Variants in GYS1 observed in about 807,000 individuals in gnomAD.
GYS1 encodes glycogen [starch] synthase, muscle.
In GYS1, 60 loss-of-function variants were observed where a neutral mutation model predicts 89.1. That is an observed-to-expected ratio of 0.67 (90% CI 0.55 to 0.84). The LOEUF (loss-of-function observed/expected upper bound fraction) is 0.84. Among genes scored for constraint, GYS1 ranks in the 40% least tolerant of loss-of-function variants. GYS1 has a pLI of 0.00. For synonymous variants in GYS1, 366 were observed against 401.7 expected (o/e 0.91, Z 1.06); for missense variants, 888 against 1,003.1 (o/e 0.89, Z 1.55).
At chr19:48,987,958 G>T (rs377077403) in intron 2 of GYS1, among the ~76,000 whole-genome samples, 26 of 152,056 alleles carry the variant, frequency 1.7e-4, no homozygotes, top group African/African-American at 5.8e-4. Flanking sequence ...CCGCCACCAC[G>T]CCCGGCTACT....
chr19:48,985,494 T>C lies in GYS1; in HGVS notation c.790A>G (p.Ile264Val). The change falls in exon 5 of 16, where the codon ATC becomes GTC. Residue 264 changes from isoleucine to valine, a missense_variant. Coordinates refer to ENST00000323798, the MANE Select transcript of GYS1 (RefSeq NM_002103.5). ...VFTTVSQITAIEAQHLLKRKP... is the reference protein window; with the variant it reads ...VFTTVSQITAVEAQHLLKRKP... The stretch of plus-strand genomic sequence containing the variant: ...CTCTTGAGCAAGTGCTGTGCCTCGA[T>C]GGCGGTGATCTGGGACACAGTAGTG... 1.9e-6 allele frequency: 3 copies of C among 1,614,102 alleles called. No homozygotes were observed. Among genetic ancestry groups the C allele is most frequent in the South Asian group, 2.2e-5 (2 of 91,088 alleles).
intron 8 of GYS1, among the ~76,000 whole-genome samples, chr19:48,980,203 C>T (rs750262595): frequency 5.3e-5 from 8 of 152,194 alleles, no homozygotes; most frequent in Non-Finnish European, 1.0e-4. Flanking sequence ...TCCTCAGATA[C>T]CCACAGGGCT....
intron 2 of GYS1, among the ~76,000 whole-genome samples, chr19:48,989,944 C>T (rs2038896699): frequency 1.4e-5 from 2 of 145,198 alleles, no homozygotes; most frequent in African/African-American, 5.1e-5. Flanking sequence ...TTTTTGCTGC[C>T]TGGAGCCTCG....
intron 8 of GYS1, among the ~76,000 whole-genome samples, chr19:48,980,791 C>A (rs2038748211): frequency 6.6e-6 from 1 of 152,026 alleles, no homozygotes; most frequent in Non-Finnish European, 1.5e-5. Flanking sequence ...ATCAGCCTGG[C>A]CAACATGGTG....
At chr19:48,988,858 A>G (rs1031766976) in intron 2 of GYS1, among the ~76,000 whole-genome samples, 1 of 151,824 alleles carries the variant, frequency 6.6e-6, no homozygotes, top group Non-Finnish European at 1.5e-5. Context: ...TCAGCCTACC[A>G]AAGTGCTGGG....
chr19:48,989,998 T>TGGGGGGG (rs998261396), intron 2 of GYS1, among the ~76,000 whole-genome samples: 1 of 49,644 alleles, frequency 2.0e-5, no homozygotes, highest in African/African-American at 9.9e-5. Flanking sequence ...GCCCTTTTGC[T>TGGGGGGG]GGGGGGGGGG....
intron 8 of GYS1, chr19:48,981,305 C>G (rs564471343): frequency 5.8e-6 from 3 of 519,890 alleles, no homozygotes; most frequent in East Asian, 7.2e-5. Flanking sequence ...CCCAGCTACT[C>G]GAGAGGCTGA....
intron 11 of GYS1, 86 bp from the exon 12 acceptor site, chr19:48,974,425 C>T (rs1166397185): frequency 4.8e-6 from 7 of 1,458,138 alleles, no homozygotes; most frequent in African/African-American, 1.4e-5. Context: ...GGGTAAAAAG[C>T]TTGTCTAGCA....
rs2038515708 is a variant in GYS1, at chr19:48,969,400, G to C, written c.2102C>G (p.Ser701Cys). The change falls in exon 16 of 16, where the codon TCC becomes TGC. Residue 701 changes from serine (S) to cysteine (C), a missense_variant. By Grantham distance (112) the Ser-to-Cys change is moderately radical (BLOSUM62 -1). Transcript: ENST00000323798. ...GTTGCGCTTGCTGCCGCTGGTGGAG[G>C]AGGTGCAGGACGCTCGGCGCGGCCA... ...PEWPRRASCTSSTSGSKRNSV... is the reference protein window; with the variant it reads ...PEWPRRASCTCSTSGSKRNSV... The C allele has an allele frequency of 6.4e-7, 1 of 1,561,324 alleles. No individual in the cohort carries two copies. The highest frequency in any genetic ancestry group is 1.4e-5 in the African/African-American group (1 of 73,492).
intron 12 of GYS1, 59 bp from the exon 13 acceptor site, chr19:48,971,082 G>C: frequency 8.6e-7 from 1 of 1,167,978 alleles, no homozygotes. Flanking sequence ...CGTCTTAATC[G>C]CAATAGACGC....
At chr19:48,980,659 CAA>C (rs35768030) in intron 8 of GYS1, among the ~76,000 whole-genome samples, 88 of 142,358 alleles carry the variant, frequency 6.2e-4, no homozygotes, top group Middle Eastern at 3.6e-3. Flanking sequence ...GACTCTGTTT[CAA>C]AAAAAAAAAA....
chr19:48,984,015 C>T (rs572554378), intron 5 of GYS1, among the ~76,000 whole-genome samples: 32 of 152,202 alleles, frequency 2.1e-4, no homozygotes, highest in South Asian at 1.7e-3. Context: ...TTTTTCTTTT[C>T]GAGACAGAGT....
At chr19:48,969,704 G>A in intron 15 of GYS1, 71 bp downstream of exon 15, 1 of 1,578,374 alleles carries the variant, frequency 6.3e-7, no homozygotes, top group Middle Eastern at 1.8e-4. Context: ...TCCCACTCCA[G>A]GAGGGACCCC....
Position 48,989,727 on chromosome 19 carries a change from G to A in GYS1, c.300+1575C>T, listed in dbSNP as rs8112230. ...GGCATGAGCCACCGCCCTCGGCCAC[G>A]CCACACATTTCTAACATAGCCCATC... On this transcript the variant is annotated intron_variant, in intron 2 of 15. Coordinates refer to ENST00000323798, the MANE Select transcript of GYS1 (RefSeq NM_002103.5). 6.9e-3 allele frequency among the ~76,000 whole-genome samples: 1,050 copies of A among 152,100 alleles called. 12 individuals are homozygous for A. The highest frequency in any genetic ancestry group is 0.019 in the African/African-American group (789 of 41,510).
At chr19:48,970,165 C>T (rs1008221472) in intron 14 of GYS1, 44 of 486,522 alleles carry the variant, frequency 9.0e-5, no homozygotes, top group Non-Finnish European at 1.3e-4. Flanking sequence ...TTCTGTTACT[C>T]TAGGATGGAG....
intron 8 of GYS1, among the ~76,000 whole-genome samples, chr19:48,979,522 C>T (rs1318064012): frequency 6.0e-5 from 9 of 151,140 alleles, no homozygotes; most frequent in African/African-American, 1.2e-4. Context: ...TTTTTAGTAC[C>T]GATGGGATTT....
intron 10 of GYS1, among the ~76,000 whole-genome samples, chr19:48,977,456 G>T (rs2038674005): frequency 6.6e-6 from 1 of 152,002 alleles, no homozygotes; most frequent in Non-Finnish European, 1.5e-5. Context: ...AGCTGGGTGT[G>T]GTGGCATGTG....
At position 48,991,901 on chromosome 19, in the gene GYS1, A is replaced by G. The variant is rs1185844817; in HGVS notation, c.119-418T>C. On this transcript the variant is annotated intron_variant, in intron 1 of 15. Transcript: ENST00000323798. The surrounding 1 kb of genome is among the most constrained non-coding windows in gnomAD (Gnocchi z 4.7). ...CAGGAGCTGGGTTTAAATCGCAGCC[A>G]GGCTCCAAAACCCAGTGAGGGAGAC... Among the ~76,000 whole-genome samples the G allele has an allele frequency of 5.3e-5, 8 of 152,016 alleles. No homozygotes were observed. The highest frequency in any genetic ancestry group is 1.2e-4 in the Non-Finnish European group (8 of 67,970).
rs758427392 is a variant in GYS1, at chr19:48,968,228, A to AC, written c.*1059dup. 1 of 454,258 alleles carries AC rather than the reference A, an allele frequency of 2.2e-6. No homozygotes were observed. 28.1% of individuals were successfully genotyped at this position (454,258 alleles called of 1,614,324 possible). Reference sequence around the variant, plus strand: ...CTCAACTGCAAACCAAGCGGTGCAGACACAGCACAGCACACATGAGGGGCC... The same window carrying AC: ...CTCAACTGCAAACCAAGCGGTGCAGACCACAGCACAGCACACATGAGGGGCC... On this transcript the variant is annotated 3_prime_UTR_variant, in exon 16 of 16. Transcript: ENST00000323798.
Sources: gnomAD v4.1 joint callset for allele counts (sites outside exome capture counted in the v4.1 genomes callset) on GRCh38, gnomAD v4.1.1 for gene constraint, Gnocchi (gnomAD v3.1) non-coding constraint, MANE v1.5 for transcripts, NCBI Gene and HGNC (gene_info 2026-07-23, HGNC 2026-07-21) for gene names.